Variants in ZZZ3 observed in about 807,000 individuals in gnomAD.
The protein encoded by ZZZ3 is ZZ-type zinc finger-containing protein 3.
ZZZ3 carries 22 observed loss-of-function variants against 95.2 expected under a neutral mutation model. The ratio of observed to expected loss-of-function variants is 0.23; its 90% CI spans 0.17 to 0.33. ZZZ3 has a LOEUF of 0.33. Ranked by LOEUF, ZZZ3 falls within the 10% of genes least tolerant of loss-of-function variation. ZZZ3 has a pLI of 1.00. For missense variants in ZZZ3, 885 were observed against 1,066.5 expected, an observed-to-expected ratio of 0.83 and a Z score of 2.37; for synonymous variants, 335 against 358.9, an observed-to-expected ratio of 0.93 and a Z score of 0.75.
intron 9 of ZZZ3, 188 bp downstream of exon 9, chr1:77,580,810 T>G: frequency 2.0e-6 from 1 of 501,690 alleles, no homozygotes; most frequent in African/African-American, 1.9e-5. Context: ...TTTTGTATTT[T>G]TAGTAGGGTT....
intron 5 of ZZZ3, among the ~76,000 whole-genome samples, chr1:77,587,082 T>C (rs907421044): frequency 2.6e-5 from 4 of 152,104 alleles, no homozygotes; most frequent in Admixed American, 2.6e-4. Flanking sequence ...CTAAGTGTAA[T>C]AGAGGAGCTA....
At chr1:77,615,000 A>G (rs1330393118) in intron 5 of ZZZ3, 1 of 152,268 alleles carries the variant, frequency 6.6e-6, no homozygotes, top group African/African-American at 2.4e-5. Context: ...ATGGGGTAGC[A>G]GTAGTGCAGA....
chr1:77,600,312 A>G (rs976197529), intron 5 of ZZZ3, among the ~76,000 whole-genome samples: 6 of 152,170 alleles, frequency 3.9e-5, no homozygotes, highest in Non-Finnish European at 5.9e-5. Flanking sequence ...AAATACCTGA[A>G]GAACCAGCAA....
intron 1 of ZZZ3, among the ~76,000 whole-genome samples, chr1:77,653,894 G>A (rs1266165024): frequency 1.3e-5 from 2 of 150,660 alleles, no homozygotes; most frequent in African/African-American, 4.9e-5. Flanking sequence ...TATCCTTAAA[G>A]AAAGTGAAGC....
chr1:77,664,096 A>C (rs116518667), intron 1 of ZZZ3, among the ~76,000 whole-genome samples: 1,594 of 152,146 alleles, frequency 0.01, 28 homozygotes, highest in African/African-American at 0.035. Flanking sequence ...GAAAAAAAAA[A>C]AAACAAACTA....
chr1:77,636,210 A>C (rs1488371781), intron 4 of ZZZ3, among the ~76,000 whole-genome samples: 1 of 152,206 alleles, frequency 6.6e-6, no homozygotes. Flanking sequence ...TTTACTTTTT[A>C]AAATGCAATC....
At chr1:77,669,813 T>G (rs1671586884) in intron 1 of ZZZ3, among the ~76,000 whole-genome samples, 1 of 152,054 alleles carries the variant, frequency 6.6e-6, no homozygotes, top group African/African-American at 2.4e-5. Flanking sequence ...ATAGGTTGGT[T>G]TTATTACTAA....
intron 1 of ZZZ3, among the ~76,000 whole-genome samples, chr1:77,668,936 GAATT>G (rs1334720007): frequency 1.3e-5 from 2 of 150,664 alleles, no homozygotes; most frequent in Admixed American, 6.6e-5. Context: ...TATTATTAGT[GAATT>G]ATTTAATTAA....
chr1:77,635,114 T>C (rs1187022547), intron 4 of ZZZ3, among the ~76,000 whole-genome samples: 1 of 152,166 alleles, frequency 6.6e-6, no homozygotes, highest in Non-Finnish European at 1.5e-5. Flanking sequence ...TTGGAAGAAT[T>C]ATAGAAGACA....
At chr1:77,612,306 G>A (rs1236138045) in intron 5 of ZZZ3, among the ~76,000 whole-genome samples, 5 of 151,912 alleles carry the variant, frequency 3.3e-5, no homozygotes, top group Non-Finnish European at 7.4e-5. Context: ...GCTGGTTGAG[G>A]GTATGGAGAA....
intron 4 of ZZZ3, 87 bp from the exon 5 acceptor site, chr1:77,633,492 A>G: frequency 2.5e-6 from 2 of 816,164 alleles, no homozygotes; most frequent in Non-Finnish European, 3.7e-6. Flanking sequence ...TTTTAATCCA[A>G]GTATACTTGG....
chr1:77,622,651 A>G (rs958728014), intron 5 of ZZZ3, among the ~76,000 whole-genome samples: 30 of 152,182 alleles, frequency 2.0e-4, no homozygotes, highest in African/African-American at 7.2e-4. Context: ...GAAACCTAGT[A>G]AAAAAGTTTC....
intron 1 of ZZZ3, among the ~76,000 whole-genome samples, chr1:77,670,061 T>C (rs971460541): frequency 7.9e-6 from 1 of 126,434 alleles, no homozygotes; most frequent in Non-Finnish European, 1.6e-5. Context: ...ATTAATATAA[T>C]AAATATTGTG....
At chr1:77,663,235 T>C (rs1670971951) in intron 1 of ZZZ3, among the ~76,000 whole-genome samples, 1 of 152,216 alleles carries the variant, frequency 6.6e-6, no homozygotes, top group Admixed American at 6.5e-5. Flanking sequence ...TTAGGATAAT[T>C]GAAAAAATTT....
intron 12 of ZZZ3, among the ~76,000 whole-genome samples, chr1:77,570,125 CAG>C (rs1342243583): frequency 6.6e-6 from 1 of 152,130 alleles, no homozygotes; most frequent in African/African-American, 2.4e-5. Flanking sequence ...TTTTTTGAGA[CAG>C]AGTTTCACTC....
intron 12 of ZZZ3, among the ~76,000 whole-genome samples, chr1:77,573,536 T>A (rs1207362535): frequency 6.6e-6 from 1 of 152,224 alleles, no homozygotes; most frequent in African/African-American, 2.4e-5. Context: ...ACTACGTATC[T>A]AATCCCTAGC....
intron 12 of ZZZ3, among the ~76,000 whole-genome samples, chr1:77,571,309 GT>G (rs1661362420): frequency 6.6e-6 from 1 of 152,162 alleles, no homozygotes; most frequent in Non-Finnish European, 1.5e-5. Flanking sequence ...AATAACCAGT[GT>G]TGGTAAGGAT....
rs769139270 is a variant in ZZZ3 at position 77,563,079 on chromosome 1, CTAT to C, written c.*2558_*2560del. 27 of 152,138 alleles carry C rather than the reference CTAT, an allele frequency of 1.8e-4. No homozygotes were observed. The highest frequency in any genetic ancestry group is 3.5e-4 in the Non-Finnish European group (24 of 68,028). The allele number at this position is 152,138 out of a possible 1,614,324, so 9.4% of individuals were successfully genotyped here. The stretch of plus-strand genomic sequence containing the variant: ...ATAGTAAACACTGTATCAGTGTTTT[CTAT>C]TATTATGCATCACACAAAAGGAAAC... On this transcript the variant is annotated 3_prime_UTR_variant, in exon 15 of 15. Transcript: ENST00000370801.
chr1:77,565,981 T>G, intron 14 of ZZZ3, 100 bp downstream of exon 14: 3 of 1,118,726 alleles, frequency 2.7e-6, no homozygotes, highest in Admixed American at 5.4e-5. Context: ...TCACTAAGTG[T>G]GGGTATTAAT....
Sources: allele counts gnomAD v4.1 joint callset (sites outside exome capture counted in the v4.1 genomes callset), GRCh38; gene constraint gnomAD v4.1.1; transcripts MANE v1.5; gene names NCBI Gene and HGNC (gene_info 2026-07-23, HGNC 2026-07-21).